SLC39A11: variants seen among roughly 807,000 people sequenced by gnomAD.
The protein encoded by SLC39A11 is solute carrier family 39 member 11, also known as zinc transporter ZIP11.
In SLC39A11, 33 loss-of-function variants were observed where a neutral mutation model predicts 36.1. That is an observed-to-expected ratio of 0.91 (90% CI 0.69 to 1.22). The LOEUF is 1.22. SLC39A11 is among the 50% of genes most tolerant of loss of function. The pLI is 0.00. For missense variants in SLC39A11, 432 were observed against 430.3 expected (o/e 1.00, Z -0.03); for synonymous variants, 166 against 170.3 (o/e 0.97, Z 0.20).
intron 7 of SLC39A11, among the ~76,000 whole-genome samples, chr17:72,680,995 G>A (rs1268404779): frequency 6.6e-6 from 1 of 152,154 alleles, no homozygotes; most frequent in Non-Finnish European, 1.5e-5. Context: ...AGGCTGGATT[G>A]CAGTAGCACA....
At chr17:72,693,243 C>T (rs1438081671) in intron 7 of SLC39A11, among the ~76,000 whole-genome samples, 1 of 110,756 alleles carries the variant, frequency 9.0e-6, no homozygotes, top group African/African-American at 3.5e-5. Context: ...GTCCTCTTGT[C>T]CCAGGAAGCT....
intron 6 of SLC39A11, among the ~76,000 whole-genome samples, chr17:72,780,413 A>G (rs1305775274): frequency 6.6e-6 from 1 of 151,370 alleles, no homozygotes; most frequent in Non-Finnish European, 1.5e-5. Context: ...GTCAATGTCA[A>G]TGTTGATTTC....
intron 4 of SLC39A11, chr17:72,992,961 CAA>C (rs1276815779): frequency 9.2e-5 from 14 of 152,238 alleles, no homozygotes; most frequent in African/African-American, 3.1e-4. Context: ...TGCTGGCAGA[CAA>C]GAGAGAGCTT....
chr17:73,084,805 T>C lies in SLC39A11; in HGVS notation c.147+3A>G. The C allele has an allele frequency of 6.2e-7, 1 of 1,613,990 alleles. No individual in the cohort carries two copies. The highest frequency in any genetic ancestry group is 8.5e-7 in the Non-Finnish European group (1 of 1,179,902). Reference sequence around the variant, plus strand: ...TCCATTTCTCCTACTACATGCTACTTACCCCTGCAGCAAAGCCAAGACTTC... The same window carrying C: ...TCCATTTCTCCTACTACATGCTACTCACCCCTGCAGCAAAGCCAAGACTTC... On this transcript the variant is annotated splice_donor_region_variant and intron_variant, in intron 3 of 9. Coordinates refer to ENST00000255559, the MANE Select transcript of SLC39A11 (RefSeq NM_139177.4).
chr17:72,887,372 C>T (rs945172153), intron 5 of SLC39A11, among the ~76,000 whole-genome samples: 1 of 152,204 alleles, frequency 6.6e-6, no homozygotes, highest in Admixed American at 6.5e-5. Flanking sequence ...AGCCAATGGG[C>T]TCAACCACAC....
chr17:72,652,178 T>TG (rs2069883447), intron 7 of SLC39A11, among the ~76,000 whole-genome samples: 1 of 152,078 alleles, frequency 6.6e-6, no homozygotes, highest in Admixed American at 6.5e-5. Flanking sequence ...CACAAATGAG[T>TG]GGGGGGCCAG....
intron 3 of SLC39A11, among the ~76,000 whole-genome samples, chr17:73,040,649 A>G (rs934328569): frequency 6.6e-6 from 1 of 151,508 alleles, no homozygotes; most frequent in African/African-American, 2.4e-5. Flanking sequence ...ACATTTCTTA[A>G]AATCTAAAAT....
rs2077790042 is a variant in SLC39A11, at chr17:72,821,696, A to C, written c.601+27938T>G. On this transcript the variant is annotated intron_variant, in intron 6 of 9. Transcript: ENST00000255559. ...GAATTTAAAAGATCAAGTTCAACTC[A>C]AGAAAGACAGTCCTGGTGATGTTTT... 2 of 151,258 alleles carry C rather than the reference A, an allele frequency of 1.3e-5. 1 individual carries two copies. The highest frequency in any genetic ancestry group is 3.0e-5 in the Non-Finnish European group (2 of 67,476). The allele number at this position is 151,258 out of a possible 1,614,324, so 9.4% of individuals were successfully genotyped here. A position where few individuals can be genotyped will look rare whatever the true frequency, so the allele number is the denominator to read the frequency against.
At chr17:72,914,216 T>C (rs929045245) in intron 5 of SLC39A11, among the ~76,000 whole-genome samples, 4 of 150,610 alleles carry the variant, frequency 2.7e-5, no homozygotes, top group African/African-American at 9.8e-5. Flanking sequence ...CTCGGGAGGC[T>C]GAGGCAGAAG....
chr17:72,649,126 A>G (rs2069725691), intron 8 of SLC39A11, 44 bp downstream of exon 8: 1 of 1,588,188 alleles, frequency 6.3e-7, no homozygotes, highest in Non-Finnish European at 8.6e-7. Flanking sequence ...AGAAGCCCAC[A>G]TGGAGGATGC....
intron 4 of SLC39A11, among the ~76,000 whole-genome samples, chr17:73,006,719 G>C (rs2090202657): frequency 6.6e-6 from 1 of 151,694 alleles, no homozygotes; most frequent in South Asian, 2.1e-4. Flanking sequence ...GGAACACAAA[G>C]ACCCTTGATA....
At chr17:72,812,435 A>G (rs1486162088) in intron 6 of SLC39A11, among the ~76,000 whole-genome samples, 1 of 152,240 alleles carries the variant, frequency 6.6e-6, no homozygotes, top group Non-Finnish European at 1.5e-5. Flanking sequence ...TATAACAAAG[A>G]TGTCTAGGCA....
At chr17:72,776,234 T>C (rs985502328) in intron 6 of SLC39A11, among the ~76,000 whole-genome samples, 1 of 152,186 alleles carries the variant, frequency 6.6e-6, no homozygotes, top group Non-Finnish European at 1.5e-5. Context: ...CTCCATTCTT[T>C]CCCCATCCCA....
intron 6 of SLC39A11, among the ~76,000 whole-genome samples, chr17:72,796,870 GAT>G (rs1480085186): frequency 1.3e-5 from 2 of 152,124 alleles, no homozygotes; most frequent in Non-Finnish European, 2.9e-5. Flanking sequence ...ACCCAGCCCT[GAT>G]TTTCAAAGTT....
chr17:73,006,677 CAT>C (rs58632057), intron 4 of SLC39A11, among the ~76,000 whole-genome samples: 6 of 147,226 alleles, frequency 4.1e-5, no homozygotes, highest in African/African-American at 1.5e-4. Flanking sequence ...CACACACACA[CAT>C]GCACACACGC....
At chr17:73,078,880 G>C (rs2060419583) in intron 3 of SLC39A11, among the ~76,000 whole-genome samples, 1 of 152,016 alleles carries the variant, frequency 6.6e-6, no homozygotes, top group South Asian at 2.1e-4. Context: ...CTTAAAAACA[G>C]AATACATAAA....
intron 3 of SLC39A11, among the ~76,000 whole-genome samples, chr17:73,039,251 C>G (rs952408674): frequency 4.6e-5 from 7 of 151,450 alleles, no homozygotes; most frequent in African/African-American, 1.7e-4. Context: ...TCATCCCTCT[C>G]CCCGTATGCC....
At chr17:72,850,245 T>A (rs557905036) in intron 5 of SLC39A11, among the ~76,000 whole-genome samples, 1 of 152,014 alleles carries the variant, frequency 6.6e-6, no homozygotes, top group East Asian at 1.9e-4. Flanking sequence ...GCCCAGGAGT[T>A]CGAGACCAGC....
At chr17:72,891,278 G>A (rs1490153911) in intron 5 of SLC39A11, among the ~76,000 whole-genome samples, 1 of 152,042 alleles carries the variant, frequency 6.6e-6, no homozygotes, top group Admixed American at 6.6e-5. Flanking sequence ...AAAATTAGCT[G>A]GGCGTGGTGG....
Sources: gnomAD v4.1 joint callset for allele counts (sites outside exome capture counted in the v4.1 genomes callset) on GRCh38, gnomAD v4.1.1 for gene constraint, MANE v1.5 for transcripts, NCBI Gene and HGNC (gene_info 2026-07-23, HGNC 2026-07-21) for gene names.